EPG5: variants seen among roughly 807,000 people sequenced by gnomAD.
EPG5 encodes the protein ectopic P granules protein 5 homolog.
In EPG5, 159 loss-of-function variants were observed where a neutral mutation model predicts 302.7. The ratio of observed to expected loss-of-function variants is 0.53; its 90% CI spans 0.46 to 0.60. The LOEUF is 0.60. Among genes scored for constraint, EPG5 ranks in the 20% least tolerant of loss-of-function variants. EPG5 has a pLI of 0.00. For synonymous variants in EPG5, 1,158 were observed against 1,136.8 expected, an observed-to-expected ratio of 1.02 and a Z score of -0.37; for missense variants, 2,896 against 3,092.4, an observed-to-expected ratio of 0.94 and a Z score of 1.51.
rs114818863 is a variant in EPG5, at chr18:45,885,403, G to A, written c.5110-592C>T. Among the ~76,000 whole-genome samples the A allele has an allele frequency of 3.5e-3, 538 of 152,076 alleles. 9 individuals are homozygous for A. The highest frequency in any genetic ancestry group is 0.013 in the African/African-American group (523 of 41,466). ...GACTTTTAAGACATTAAAATATTGG[G>A]GTACTTTGAATCCACAAACATGCAA... On this transcript the variant is annotated intron_variant, in intron 29 of 43. Transcript: ENST00000282041.
chr18:45,801,748 G>A, the EPG5 span, among the ~76,000 whole-genome samples: 2 of 152,150 alleles, frequency 1.3e-5, no homozygotes, highest in African/African-American at 4.8e-5. Flanking sequence ...AGGGGTACAG[G>A]AAACTGCATT....
At chr18:45,828,676 C>A in the EPG5 span, among the ~76,000 whole-genome samples, 10 of 152,218 alleles carry the variant, frequency 6.6e-5, no homozygotes, top group African/African-American at 2.4e-4. Flanking sequence ...ACTGCCGGGG[C>A]ATCCAGCCTA....
At position 45,967,187 on chromosome 18, in the gene EPG5, G is replaced by A; in HGVS notation, c.53C>T (p.Thr18Ile). Residue 18 changes from threonine to isoleucine, a missense_variant, in exon 1 of 44, where the codon ACT (threonine) becomes ATT (isoleucine). Coordinates refer to ENST00000282041, the MANE Select transcript of EPG5 (RefSeq NM_020964.3). ...QRRAKAKASR[T>I]KTKEKKKYET... is the part of the protein sequence containing the mutation. ...GGGGGAGATCCTCACCTTTGTTTTA[G>A]TCCGGCTGGCCTTGGCCTTGGCCCG... is the stretch of plus-strand genomic sequence containing the variant. 1 of 1,603,782 alleles carries A rather than the reference G, an allele frequency of 6.2e-7. No individual in the cohort carries two copies. The highest frequency in any genetic ancestry group is 8.5e-7 in the Non-Finnish European group (1 of 1,175,272).
chr18:45,862,402 C>A (rs2048654332), intron 39 of EPG5, among the ~76,000 whole-genome samples: 2 of 152,016 alleles, frequency 1.3e-5, no homozygotes, highest in Non-Finnish European at 2.9e-5. Flanking sequence ...CACTTAAGGC[C>A]CTGAAAGTAA....
rs1351663204 is a variant in EPG5 at position 45,867,624 on chromosome 18, A to G, written c.6350T>C (p.Ile2117Thr). 8 of 1,614,028 alleles carry G rather than the reference A, an allele frequency of 5.0e-6. No individual in the cohort carries two copies. The South Asian group carries it at 7.7e-5, about 16-fold the overall frequency. The change falls in exon 37 of 44, where the codon ATT (isoleucine) becomes ACT (threonine). Residue 2117 changes from isoleucine to threonine, a missense_variant. Around this residue, in one of 5 missense-constraint regions of EPG5, gnomAD observed 620 missense variants for 704.2 expected, o/e 0.88. Transcript: ENST00000282041. ...SSPHPETRSMIVCLLFMMILL... is the reference protein window; with the variant it reads ...SSPHPETRSMTVCLLFMMILL... Reference sequence around the variant, plus strand: ...AATCATCATGAAAAGGAGGCAGACAATCATGCTGCGGGTTTCTGGGTGGGG... The same window carrying G: ...AATCATCATGAAAAGGAGGCAGACAGTCATGCTGCGGGTTTCTGGGTGGGG...
At chr18:45,829,227 G>A in the EPG5 span, 1 of 904,374 alleles carries the variant, frequency 1.1e-6, no homozygotes, top group Non-Finnish European at 1.3e-6. Flanking sequence ...TGCGGCAGAG[G>A]CATGGGTTAA....
At chr18:45,865,956 C>T (rs2048737488) in intron 38 of EPG5, among the ~76,000 whole-genome samples, 197 bp from the exon 39 acceptor site, 1 of 152,166 alleles carries the variant, frequency 6.6e-6, no homozygotes, top group African/African-American at 2.4e-5. Context: ...ACACTTTGAC[C>T]AGGGCCCATG....
chr18:45,915,630 G>C lies in EPG5; in HGVS notation c.3583-9C>G. The C allele has an allele frequency of 6.2e-7, 1 of 1,601,838 alleles. No individual in the cohort carries two copies. Among genetic ancestry groups the C allele is most frequent in the Non-Finnish European group, 8.6e-7 (1 of 1,169,144 alleles). ...TGGTAACCCAAGGCATTCTACACCG[G>C]GAGATGTGGAGCAGAGAGAGGAGGT... is the stretch of plus-strand genomic sequence containing the variant. On this transcript the variant is annotated splice_polypyrimidine_tract_variant and intron_variant, in intron 19 of 43. Coordinates refer to ENST00000282041, the MANE Select transcript of EPG5 (RefSeq NM_020964.3).
At chr18:45,803,651 T>C in the EPG5 span, among the ~76,000 whole-genome samples, 5 of 152,250 alleles carry the variant, frequency 3.3e-5, no homozygotes, top group African/African-American at 1.2e-4. Context: ...ATTCCATGTA[T>C]AAAGTCTGCC....
intron 39 of EPG5, among the ~76,000 whole-genome samples, chr18:45,861,722 TAAC>T (rs781415790): frequency 2.0e-5 from 3 of 152,228 alleles, no homozygotes; most frequent in Non-Finnish European, 4.4e-5. Flanking sequence ...GTATGACCAT[TAAC>T]AACATTTAGC....
the EPG5 span, among the ~76,000 whole-genome samples, chr18:45,811,268 C>T: frequency 2.6e-5 from 4 of 152,148 alleles, no homozygotes; most frequent in Non-Finnish European, 5.9e-5. Context: ...AAAACCCTAA[C>T]AATTCCTCTA....
At chr18:45,811,968 A>G in the EPG5 span, among the ~76,000 whole-genome samples, 1 of 152,194 alleles carries the variant, frequency 6.6e-6, no homozygotes, top group Admixed American at 6.5e-5. Flanking sequence ...GAAAAGAGGA[A>G]GTCAAATTGT....
chr18:45,945,924 C>A (rs979673537), intron 7 of EPG5, among the ~76,000 whole-genome samples: 12 of 152,220 alleles, frequency 7.9e-5, no homozygotes, highest in African/African-American at 2.9e-4. Flanking sequence ...GGCTGTCATT[C>A]TGAGAACTGT....
chr18:45,932,165 C>T (rs967442405), intron 11 of EPG5, among the ~76,000 whole-genome samples: 6 of 151,962 alleles, frequency 3.9e-5, no homozygotes, highest in Admixed American at 2.6e-4. Flanking sequence ...ATCATTCAAA[C>T]TTACAATGTT....
rs370170131 is a variant in EPG5, at chr18:45,876,359, C to A, written c.5943-17G>T. ...TGTTGGCTGCTTTAAAGAAAAGAAGCACACACTTAGGAATGCAACCGTGAT... is the reference window on the plus strand; with the variant it reads ...TGTTGGCTGCTTTAAAGAAAAGAAGAACACACTTAGGAATGCAACCGTGAT... On this transcript the variant is annotated splice_polypyrimidine_tract_variant and intron_variant, in intron 34 of 43. Coordinates refer to ENST00000282041, the MANE Select transcript of EPG5 (RefSeq NM_020964.3). 3 of 1,596,024 alleles carry A rather than the reference C, an allele frequency of 1.9e-6. No individual in the cohort carries two copies. Among genetic ancestry groups the A allele is most frequent in the Non-Finnish European group, 2.6e-6 (3 of 1,163,674 alleles).
At chr18:45,838,222 AG>A in the EPG5 span, among the ~76,000 whole-genome samples, 1 of 152,194 alleles carries the variant, frequency 6.6e-6, no homozygotes, top group African/African-American at 2.4e-5. Context: ...ATATGCCAAG[AG>A]GTGCAATGTG....
Position 45,927,591 on chromosome 18 carries a change from T to TAC in EPG5, c.2553+1277_2553+1278insGT, listed in dbSNP as rs770234934. Among the ~76,000 whole-genome samples, 561 of 75,602 alleles carry TAC rather than the reference T, an allele frequency of 7.4e-3. 1 individual carries two copies. Among genetic ancestry groups the TAC allele is most frequent in the African/African-American group, 0.022 (532 of 24,130 alleles). 49.6% of individuals were successfully genotyped at this position (75,602 alleles called of 152,430 possible). A position where few individuals can be genotyped will look rare whatever the true frequency, so the allele number is the denominator to read the frequency against. ...ATGACTGAATGGATAAACAAAAAGT[T>TAC]ATACACACACACACACACACACACA... On this transcript the variant is annotated intron_variant, in intron 13 of 43. Coordinates refer to ENST00000282041, the MANE Select transcript of EPG5 (RefSeq NM_020964.3).
intron 16 of EPG5, among the ~76,000 whole-genome samples, chr18:45,921,836 T>C (rs2050160299): frequency 6.6e-6 from 1 of 152,010 alleles, no homozygotes; most frequent in African/African-American, 2.4e-5. Context: ...GGGTGAGGGA[T>C]AGCATTAGGA....
At chr18:45,889,744 T>A in intron 28 of EPG5, 54 bp downstream of exon 28, 2 of 1,528,012 alleles carry the variant, frequency 1.3e-6, no homozygotes, top group East Asian at 4.6e-5. Context: ...CATGTATGAT[T>A]ACTATTCATG....
Sources: gnomAD v4.1 joint callset for allele counts (sites outside exome capture counted in the v4.1 genomes callset) on GRCh38, gnomAD v4.1.1 for gene constraint, gnomAD v4.1.1 regional missense constraint, MANE v1.5 for transcripts, NCBI Gene and HGNC (gene_info 2026-07-23, HGNC 2026-07-21) for gene names.